ZNF385D: variants seen among roughly 807,000 people sequenced by gnomAD.
ZNF385D encodes the protein zinc finger protein 659.
ZNF385D carries 15 observed loss-of-function variants against 35.8 expected under a neutral mutation model. The ratio of observed to expected loss-of-function variants is 0.42; its 90% confidence interval spans 0.28 to 0.64. The LOEUF (loss-of-function observed/expected upper bound fraction) is 0.64, where lower values mean the gene tolerates loss of function less well. ZNF385D is among the 30% of genes least tolerant of loss of function. The probability of loss-of-function intolerance (pLI) is 0.23; values close to 1 mark genes in which losing one functional copy is unlikely to be tolerated. For synonymous variants in ZNF385D, 212 were observed against 186.8 expected (o/e 1.13, Z -1.10); for missense variants, 474 against 494.6 (o/e 0.96, Z 0.39).
At chr3:22,115,217 C>A (rs1322138639) in intron 3 of ZNF385D, among the ~76,000 whole-genome samples, 2 of 152,014 alleles carry the variant, frequency 1.3e-5, no homozygotes, top group Non-Finnish European at 2.9e-5. Context: ...CAGATTTGGT[C>A]AGGCCATGAG....
intron 2 of ZNF385D, among the ~76,000 whole-genome samples, chr3:22,236,450 G>A (rs1291558799): frequency 1.3e-5 from 2 of 152,056 alleles, no homozygotes; most frequent in Non-Finnish European, 2.9e-5. Context: ...TCCCATCTAA[G>A]CCTCCCAAGT....
At chr3:21,947,956 T>A (rs989640954) in intron 3 of ZNF385D, among the ~76,000 whole-genome samples, 2 of 152,288 alleles carry the variant, frequency 1.3e-5, no homozygotes, top group East Asian at 3.9e-4. Flanking sequence ...TTTGATACAA[T>A]TAGTTCTTTG....
intron 3 of ZNF385D, among the ~76,000 whole-genome samples, chr3:22,034,155 A>T (rs183843313): frequency 6.6e-6 from 1 of 152,102 alleles, no homozygotes; most frequent in Non-Finnish European, 1.5e-5. Flanking sequence ...TTATTCCCCA[A>T]TGTGATTGCA....
intron 3 of ZNF385D, among the ~76,000 whole-genome samples, chr3:22,015,204 A>G (rs2125444478): frequency 6.6e-6 from 1 of 152,304 alleles, no homozygotes; most frequent in African/African-American, 2.4e-5. Context: ...CAAGCATTAA[A>G]CATGATGTCA....
chr3:21,866,697 T>C (rs1187819292), intron 3 of ZNF385D, among the ~76,000 whole-genome samples: 1 of 152,194 alleles, frequency 6.6e-6, no homozygotes, highest in Admixed American at 6.5e-5. Context: ...ATAGAGTAAC[T>C]TGTTTTGGCA....
intron 2 of ZNF385D, among the ~76,000 whole-genome samples, chr3:22,248,830 A>G (rs1699922721): frequency 6.6e-6 from 1 of 152,140 alleles, no homozygotes; most frequent in Non-Finnish European, 1.5e-5. Flanking sequence ...TTTATAGCAC[A>G]TCAGAAGTGA....
intron 2 of ZNF385D, among the ~76,000 whole-genome samples, chr3:22,304,700 T>C (rs958210170): frequency 6.6e-6 from 1 of 152,154 alleles, no homozygotes; most frequent in Non-Finnish European, 1.5e-5. Context: ...AAAAATGTCA[T>C]ATCAATTTAA....
At chr3:21,974,770 C>T (rs12635546) in intron 3 of ZNF385D, among the ~76,000 whole-genome samples, 37,874 of 151,970 alleles carry the variant, frequency 0.25, 5,179 homozygotes, top group East Asian at 0.33. Context: ...TCTAAGTAGA[C>T]GTTTCTCAAA....
chr3:22,275,527 A>C (rs1439654989), intron 2 of ZNF385D, among the ~76,000 whole-genome samples: 3 of 152,100 alleles, frequency 2.0e-5, no homozygotes. Flanking sequence ...ACTGCATCTT[A>C]CTCTACTAAT....
At chr3:22,258,278 G>A (rs1001914415) in intron 2 of ZNF385D, among the ~76,000 whole-genome samples, 24 of 151,850 alleles carry the variant, frequency 1.6e-4, no homozygotes, top group South Asian at 6.2e-4. Context: ...CTCAAAGAGA[G>A]GAAGACATAA....
At chr3:22,221,153 CTA>C (rs1698232039) in intron 2 of ZNF385D, among the ~76,000 whole-genome samples, 1 of 151,806 alleles carries the variant, frequency 6.6e-6, no homozygotes, top group Admixed American at 6.6e-5. Flanking sequence ...ATTTACCTAT[CTA>C]TATAGGTACA....
chr3:22,260,538 G>C lies in ZNF385D; in HGVS notation c.107-91503C>G, dbSNP rs188235165. ...AAAAAAAGAAAACTACATTAGAATT[G>C]ATTTTGATAGGTTGTAAATCATTTT... On this transcript the variant is annotated intron_variant, in intron 2 of 5. Coordinates refer to the ZNF385D transcript ENST00000494108. Among the ~76,000 whole-genome samples the C allele has an allele frequency of 1.3e-3, 195 of 151,962 alleles. 1 individual carries two copies. The highest frequency in any genetic ancestry group is 4.4e-3 in the African/African-American group (184 of 41,506).
At chr3:22,200,792 G>A (rs1322749247) in intron 2 of ZNF385D, among the ~76,000 whole-genome samples, 2 of 152,092 alleles carry the variant, frequency 1.3e-5, no homozygotes, top group Non-Finnish European at 2.9e-5. Context: ...TCCCAGGGAT[G>A]TTCCTTGCTG....
intron 2 of ZNF385D, among the ~76,000 whole-genome samples, chr3:22,207,951 G>A (rs1431138173): frequency 6.6e-6 from 1 of 151,860 alleles, no homozygotes; most frequent in African/African-American, 2.4e-5. Context: ...GAGGATTGGA[G>A]AAAAGGGAAC....
chr3:22,147,897 G>A (rs773338303), intron 3 of ZNF385D, among the ~76,000 whole-genome samples: 3 of 152,104 alleles, frequency 2.0e-5, no homozygotes, highest in Admixed American at 1.3e-4. Flanking sequence ...TGGAAACCTG[G>A]AATCATGAGC....
intron 3 of ZNF385D, among the ~76,000 whole-genome samples, chr3:21,798,079 C>T (rs1005483894): frequency 6.6e-6 from 1 of 152,098 alleles, no homozygotes; most frequent in Non-Finnish European, 1.5e-5. Flanking sequence ...AACAAATGTA[C>T]CTCTCTGGTG....
intron 2 of ZNF385D, among the ~76,000 whole-genome samples, chr3:22,253,024 T>C (rs904917587): frequency 2.6e-5 from 4 of 152,058 alleles, no homozygotes; most frequent in African/African-American, 9.7e-5. Context: ...AGTGTTAACC[T>C]GAATTGAAAA....
intron 2 of ZNF385D, among the ~76,000 whole-genome samples, chr3:22,332,213 CTATGA>C (rs2125462175): frequency 6.6e-6 from 1 of 152,196 alleles, no homozygotes; most frequent in South Asian, 2.1e-4. Flanking sequence ...ACACCTGCCT[CTATGA>C]TATAAGTTCA....
At chr3:22,005,224 C>G (rs1381736488) in intron 3 of ZNF385D, among the ~76,000 whole-genome samples, 1 of 151,542 alleles carries the variant, frequency 6.6e-6, no homozygotes, top group African/African-American at 2.4e-5. Flanking sequence ...CAAATTAAAA[C>G]CACAATGAGA....
Sources: allele counts gnomAD v4.1 joint callset (sites outside exome capture counted in the v4.1 genomes callset), GRCh38; gene constraint gnomAD v4.1.1; transcripts MANE v1.5; gene names NCBI Gene and HGNC (gene_info 2026-07-23, HGNC 2026-07-21).